DAB1: variants seen among roughly 807,000 people sequenced by gnomAD.
The protein encoded by DAB1 is disabled homolog 1.
In DAB1, 15 loss-of-function variants were observed where a neutral mutation model predicts 64.6. That is an observed-to-expected ratio of 0.23 (90% CI 0.16 to 0.36). The LOEUF is 0.36. Among genes scored for constraint, DAB1 ranks in the 10% least tolerant of loss-of-function variants. DAB1 has a pLI of 1.00. For synonymous variants in DAB1, 235 were observed against 251.9 expected, an observed-to-expected ratio of 0.93 and a Z score of 0.64; for missense variants, 596 against 706.7, an observed-to-expected ratio of 0.84 and a Z score of 1.78.
At chr1:57,852,741 C>T (rs1653587566) in intron 1 of DAB1, among the ~76,000 whole-genome samples, 2 of 152,122 alleles carry the variant, frequency 1.3e-5, no homozygotes, top group African/African-American at 4.8e-5. Context: ...CAGCATCCAT[C>T]CCTGCTTTAT....
intron 4 of DAB1, 33 bp from the exon 5 acceptor site, chr1:57,072,447 A>G (rs1191407741): frequency 1.9e-6 from 3 of 1,607,018 alleles, no homozygotes; most frequent in Non-Finnish European, 2.6e-6. Context: ...AACATATTTC[A>G]GGGGACTTTC....
intron 3 of DAB1, among the ~76,000 whole-genome samples, chr1:58,435,699 G>C (rs898080062): frequency 6.6e-6 from 1 of 152,148 alleles, no homozygotes; most frequent in Non-Finnish European, 1.5e-5. Flanking sequence ...GAGGAAGATA[G>C]TCCTTTTTTC....
chr1:57,102,950 A>T (rs1257121964), intron 4 of DAB1, among the ~76,000 whole-genome samples: 1 of 152,130 alleles, frequency 6.6e-6, no homozygotes, highest in Non-Finnish European at 1.5e-5. Context: ...ACAAGGAGTA[A>T]AGTCGCTTTC....
intron 1 of DAB1, among the ~76,000 whole-genome samples, chr1:57,829,749 C>G (rs184587164): frequency 2.0e-4 from 30 of 152,306 alleles, no homozygotes; most frequent in Non-Finnish European, 3.5e-4. Flanking sequence ...AGATTTCCAC[C>G]CCAGCTGAAG....
At chr1:57,900,881 A>G (rs1263182643) in intron 5 of DAB1, among the ~76,000 whole-genome samples, 1 of 151,994 alleles carries the variant, frequency 6.6e-6, no homozygotes, top group African/African-American at 2.4e-5. Context: ...CAGGGACTAT[A>G]TTTTCCAGTT....
chr1:57,810,532 G>A (rs370359582), intron 6 of DAB1, among the ~76,000 whole-genome samples: 3 of 152,208 alleles, frequency 2.0e-5, no homozygotes, highest in Admixed American at 1.3e-4. Context: ...GTGAAGCAGC[G>A]AGGTACACTT....
chr1:57,944,533 G>T (rs1412049461), intron 5 of DAB1, among the ~76,000 whole-genome samples: 1 of 152,086 alleles, frequency 6.6e-6, no homozygotes, highest in Non-Finnish European at 1.5e-5. Context: ...TCCATAACTT[G>T]CTCTTTGGGA....
intron 3 of DAB1, among the ~76,000 whole-genome samples, chr1:58,380,225 C>G (rs992190665): frequency 2.6e-5 from 4 of 152,206 alleles, no homozygotes; most frequent in Non-Finnish European, 5.9e-5. Context: ...GTAATTGGAT[C>G]ATGGGCAATT....
At chr1:57,295,645 A>G (rs1673136366) in intron 1 of DAB1, among the ~76,000 whole-genome samples, 1 of 152,144 alleles carries the variant, frequency 6.6e-6, no homozygotes, top group Non-Finnish European at 1.5e-5. Context: ...GCTACCTTTT[A>G]TCTTTACAAA....
intron 5 of DAB1, among the ~76,000 whole-genome samples, chr1:58,071,935 C>T (rs1649287968): frequency 1.3e-5 from 2 of 152,114 alleles, no homozygotes; most frequent in African/African-American, 4.8e-5. Flanking sequence ...ACAAAACCAA[C>T]TATAATTCCC....
At chr1:57,414,127 G>C (rs779755223) in intron 1 of DAB1, among the ~76,000 whole-genome samples, 1 of 152,222 alleles carries the variant, frequency 6.6e-6, no homozygotes, top group Admixed American at 6.5e-5. Context: ...TGATAAAGCA[G>C]TGTCAGGGTT....
At chr1:57,959,966 A>C (rs1394153358) in intron 5 of DAB1, among the ~76,000 whole-genome samples, 1 of 152,178 alleles carries the variant, frequency 6.6e-6, no homozygotes, top group Non-Finnish European at 1.5e-5. Flanking sequence ...ACCCTTGCAT[A>C]AAAATATCCA....
intron 7 of DAB1, among the ~76,000 whole-genome samples, chr1:57,603,526 G>C (rs1645600463): frequency 6.6e-6 from 1 of 152,094 alleles, no homozygotes; most frequent in South Asian, 2.1e-4. Flanking sequence ...CAATTGAGCG[G>C]GGACCACATC....
chr1:57,427,665 C>T (rs1685340876), upstream of DAB1, among the ~76,000 whole-genome samples: 1 of 152,106 alleles, frequency 6.6e-6, no homozygotes, highest in African/African-American at 2.4e-5. Context: ...AAATTTTATG[C>T]TGTAAACTAT....
chr1:58,431,603 A>T (rs1644874653), intron 3 of DAB1, among the ~76,000 whole-genome samples: 1 of 151,686 alleles, frequency 6.6e-6, no homozygotes, highest in Admixed American at 6.6e-5. Flanking sequence ...AAAAAGAAAA[A>T]GTTTTGTGAC....
At chr1:58,144,865 C>T (rs142488514) in intron 5 of DAB1, among the ~76,000 whole-genome samples, 1 of 152,310 alleles carries the variant, frequency 6.6e-6, no homozygotes, top group Non-Finnish European at 1.5e-5. Flanking sequence ...AAGGCCCTTG[C>T]TGCTATTCCA....
chr1:58,046,752 G>A (rs934985447), intron 5 of DAB1, among the ~76,000 whole-genome samples: 2 of 152,180 alleles, frequency 1.3e-5, no homozygotes, highest in Admixed American at 6.5e-5. Flanking sequence ...AGTAAACAAA[G>A]CATCTCACAC....
chr1:58,482,956 G>C (rs531991615), intron 3 of DAB1, among the ~76,000 whole-genome samples: 1 of 152,294 alleles, frequency 6.6e-6, no homozygotes, highest in African/African-American at 2.4e-5. Context: ...AATGAAAATG[G>C]AGGCCCAGAT....
rs368034278 is a variant in DAB1 at position 57,926,219 on chromosome 1, C to T, written n.388-42057G>A. On this transcript the variant is annotated intron_variant and non_coding_transcript_variant, in intron 5 of 20. Coordinates refer to the DAB1 transcript ENST00000485760. ...AGGACAATGGGAGTTCCCAGGTATA[C>T]TGGTCCATTGTGAGGATGGATTGTT... Among the ~76,000 whole-genome samples the T allele has an allele frequency of 2.6e-5, 4 of 152,264 alleles. 1 individual carries two copies. The South Asian group carries it at 8.3e-4, about 32-fold the overall frequency.
Sources: gnomAD v4.1 joint callset for allele counts (sites outside exome capture counted in the v4.1 genomes callset) on GRCh38, gnomAD v4.1.1 for gene constraint, MANE v1.5 for transcripts, NCBI Gene and HGNC (gene_info 2026-07-23, HGNC 2026-07-21) for gene names.